The following ATP8A1 variants were observed in gnomAD, a reference collection of about 807,000 sequenced individuals.
ATP8A1 encodes phospholipid-transporting ATPase IA.
ATP8A1 carries 90 observed loss-of-function variants against 177.7 expected under a neutral mutation model. The observed-to-expected ratio is 0.51, with a 90% CI of 0.43 to 0.60. ATP8A1 has a LOEUF of 0.60. ATP8A1 is among the 20% of genes least tolerant of loss of function. ATP8A1 has a pLI of 0.00. For synonymous variants in ATP8A1, 493 were observed against 485.9 expected (o/e 1.01, Z -0.19); for missense variants, 1,072 against 1,392.8 (o/e 0.77, Z 3.67).
At chr4:42,485,919 G>A (rs1348058331) in intron 24 of ATP8A1, among the ~76,000 whole-genome samples, 1 of 152,128 alleles carries the variant, frequency 6.6e-6, no homozygotes, top group Non-Finnish European at 1.5e-5. Flanking sequence ...TAGACTATAA[G>A]TCACCTGTTT....
intron 1 of ATP8A1, among the ~76,000 whole-genome samples, chr4:42,639,212 A>T (rs1335789771): frequency 6.6e-6 from 1 of 152,190 alleles, no homozygotes; most frequent in Non-Finnish European, 1.5e-5. Context: ...TTGAACAAGC[A>T]CAAGATTAAA....
At chr4:42,444,498 G>C in intron 32 of ATP8A1, 80 bp downstream of exon 32, 1 of 1,354,026 alleles carries the variant, frequency 7.4e-7, no homozygotes, top group Non-Finnish European at 1.0e-6. Context: ...TATCAAGTTA[G>C]AGTGAAGACC....
intron 25 of ATP8A1, chr4:42,471,794 T>C (rs1335229085): frequency 2.1e-6 from 1 of 478,764 alleles, no homozygotes; most frequent in Non-Finnish European, 4.0e-6. Flanking sequence ...GGCTGGCGCT[T>C]AGCAAGGAGA....
At chr4:42,548,421 G>C (rs1302857802) in intron 19 of ATP8A1, among the ~76,000 whole-genome samples, 1 of 152,108 alleles carries the variant, frequency 6.6e-6, no homozygotes, top group African/African-American at 2.4e-5. Flanking sequence ...TTTTAAAATT[G>C]ATACACAGTA....
chr4:42,517,634 T>A (rs142130751), intron 22 of ATP8A1, among the ~76,000 whole-genome samples: 39 of 152,352 alleles, frequency 2.6e-4, no homozygotes, highest in African/African-American at 9.1e-4. Flanking sequence ...GCCTTCCTAC[T>A]AATCAATGTC....
chr4:42,595,565 A>C (rs1268388042), intron 6 of ATP8A1, among the ~76,000 whole-genome samples: 1 of 152,204 alleles, frequency 6.6e-6, no homozygotes, highest in East Asian at 1.9e-4. Context: ...AAAAACTGCA[A>C]GTATAAATGT....
At chr4:42,450,810 C>T (rs574818420) in intron 30 of ATP8A1, among the ~76,000 whole-genome samples, 3 of 152,322 alleles carry the variant, frequency 2.0e-5, no homozygotes, top group Admixed American at 2.0e-4. Flanking sequence ...TACTAATTAC[C>T]TGCCCATCTG....
intron 20 of ATP8A1, among the ~76,000 whole-genome samples, chr4:42,534,209 A>G (rs1258372449): frequency 1.3e-5 from 2 of 152,238 alleles, no homozygotes; most frequent in African/African-American, 4.8e-5. Flanking sequence ...CAGAAGGTCA[A>G]TTATTAAGCT....
rs143412392 is a variant in ATP8A1, at chr4:42,423,545, T to A, written c.3212+72A>T. ...TGCAAGCTCTACATGCTTGAGTTGATGTTACCAAGAGAGAAATCTGAGGAT... is the reference window on the plus strand; with the variant it reads ...TGCAAGCTCTACATGCTTGAGTTGAAGTTACCAAGAGAGAAATCTGAGGAT... On this transcript the variant is annotated intron_variant, in intron 34 of 36. Transcript: ENST00000381668. 3.1e-3 allele frequency: 3,275 copies of A among 1,051,884 alleles called. 2 individuals are homozygous for A. Among genetic ancestry groups the A allele is most frequent in the Non-Finnish European group, 4.3e-3 (3,032 of 710,224 alleles). 65.2% of individuals were successfully genotyped at this position (1,051,884 alleles called of 1,614,324 possible). A position where few individuals can be genotyped will look rare whatever the true frequency, so the allele number is the denominator to read the frequency against.
At chr4:42,468,912 A>G (rs1720103089) in intron 25 of ATP8A1, among the ~76,000 whole-genome samples, 1 of 152,236 alleles carries the variant, frequency 6.6e-6, no homozygotes, top group Non-Finnish European at 1.5e-5. Flanking sequence ...GGAGATTCAT[A>G]CAAAATAAAA....
At chr4:42,444,442 C>A (rs1716988648) in intron 32 of ATP8A1, 136 bp downstream of exon 32, 2 of 779,156 alleles carry the variant, frequency 2.6e-6, no homozygotes, top group Admixed American at 2.7e-5. Context: ...ACCCCTGACA[C>A]CCCACAATTG....
chr4:42,543,360 C>T (rs900577157), intron 20 of ATP8A1, among the ~76,000 whole-genome samples: 5 of 152,050 alleles, frequency 3.3e-5, no homozygotes, highest in Admixed American at 2.0e-4. Flanking sequence ...GGGCCCTGGT[C>T]AGATTTCTCA....
At chr4:42,636,156 A>ACACGCGCGCGTGCGCGCG (rs565139270) in intron 1 of ATP8A1, among the ~76,000 whole-genome samples, 6 of 90,898 alleles carry the variant, frequency 6.6e-5, no homozygotes, top group Non-Finnish European at 7.9e-5. Flanking sequence ...ACACACACAC[A>ACACGCGCGCGTGCGCGCG]CGCACACACA....
chr4:42,608,363 A>ATT (rs748536968), intron 5 of ATP8A1, among the ~76,000 whole-genome samples: 5 of 138,634 alleles, frequency 3.6e-5, no homozygotes, highest in African/African-American at 2.7e-5. Context: ...CAATAATATC[A>ATT]TTTTTTTTTT....
Position 42,422,819 on chromosome 4 carries a change from A to G in ATP8A1, c.3293T>C (p.Val1098Ala). Residue 1098 changes from valine to alanine, a missense_variant, in exon 35 of 37, where the codon GTA becomes GCA. Transcript: ENST00000381668. ...CTGTGTATTTTACCTTTTTCCAAGT[A>G]CAACTGCTCCTGGGTCTTGAGATTT... is the stretch of plus-strand genomic sequence containing the variant. The part of the protein sequence containing the change: ...EAKSQDPGAV[V>A]LGKSLTERAQ... 1 of 1,612,538 alleles carries G rather than the reference A, an allele frequency of 6.2e-7. No homozygotes were observed. The highest frequency in any genetic ancestry group is 8.5e-7 in the Non-Finnish European group (1 of 1,179,428).
intron 4 of ATP8A1, among the ~76,000 whole-genome samples, chr4:42,622,688 T>C (rs1413317706): frequency 6.6e-6 from 1 of 152,028 alleles, no homozygotes; most frequent in Middle Eastern, 3.2e-3. Flanking sequence ...GGAACTTAAA[T>C]TTACAAGAAG....
At chr4:42,558,030 T>A (rs1730424846) in intron 15 of ATP8A1, among the ~76,000 whole-genome samples, 1 of 150,486 alleles carries the variant, frequency 6.6e-6, no homozygotes, top group African/African-American at 2.5e-5. Flanking sequence ...AGACTACATC[T>A]CAAAAACAAA....
At chr4:42,435,461 A>AAAAAAAAAAAAAAAAAAC (rs1553871738) in intron 33 of ATP8A1, among the ~76,000 whole-genome samples, 40 of 122,362 alleles carry the variant, frequency 3.3e-4, no homozygotes, top group Non-Finnish European at 5.3e-4. Flanking sequence ...AAAAAAAAAA[A>AAAAAAAAAAAAAAAAAAC]AACAAACTAT....
chr4:42,549,015 G>T lies in ATP8A1; in HGVS notation c.1650C>A (p.Thr550=). 1 of 1,609,018 alleles carries T rather than the reference G, an allele frequency of 6.2e-7. No homozygotes were observed. Among genetic ancestry groups the T allele is most frequent in the Non-Finnish European group, 8.5e-7 (1 of 1,177,342 alleles). Residue 550 remains threonine (T), a splice_region_variant and synonymous_variant, in exon 19 of 37, where the codon ACC becomes ACA. Coordinates refer to ENST00000381668, the MANE Select transcript of ATP8A1 (RefSeq NM_006095.2). The stretch of plus-strand genomic sequence containing the variant: ...AAATCACTGAGCAGATGTTTTACCT[G>T]GTAAACTCCAAGACATTGAGCAATT... The part of the protein sequence containing the change: ...RYELLNVLEF[T]SARKRMSVIV...
Sources: gnomAD v4.1 joint callset for allele counts (sites outside exome capture counted in the v4.1 genomes callset) on GRCh38, gnomAD v4.1.1 for gene constraint, MANE v1.5 for transcripts, NCBI Gene and HGNC (gene_info 2026-07-23, HGNC 2026-07-21) for gene names.